APBA1: variants seen among roughly 807,000 people sequenced by gnomAD.
APBA1 encodes the protein amyloid-beta A4 precursor protein-binding family A member 1.
APBA1 carries 55 observed loss-of-function variants against 86.6 expected under a neutral mutation model. The ratio of observed to expected loss-of-function variants is 0.64; its 90% CI spans 0.51 to 0.80. APBA1 has a LOEUF of 0.80. Ranked by LOEUF, APBA1 falls within the 30% of genes least tolerant of loss-of-function variation. The probability of loss-of-function intolerance (pLI) is 0.00; values close to 1 mark genes in which losing one functional copy is unlikely to be tolerated. For synonymous variants in APBA1, 511 were observed against 493.9 expected (o/e 1.03, Z -0.46); for missense variants, 1,090 against 1,183.0 (o/e 0.92, Z 1.15).
At chr9:69,571,322 A>G (rs1383803188) in intron 1 of APBA1, among the ~76,000 whole-genome samples, 1 of 152,196 alleles carries the variant, frequency 6.6e-6, no homozygotes, top group East Asian at 1.9e-4. Flanking sequence ...AAGTCTATCC[A>G]GTATTTTTGA....
chr9:69,483,486 G>A (rs1032864151), intron 2 of APBA1, among the ~76,000 whole-genome samples: 1 of 152,054 alleles, frequency 6.6e-6, no homozygotes, highest in Admixed American at 6.5e-5. Flanking sequence ...GGCTGAGGGG[G>A]CACGCTGATA....
intron 1 of APBA1, among the ~76,000 whole-genome samples, chr9:69,518,110 G>A (rs1308206364): frequency 6.6e-6 from 1 of 151,888 alleles, no homozygotes; most frequent in Non-Finnish European, 1.5e-5. Context: ...AACCAACCAC[G>A]GAAGACAATA....
chr9:69,496,983 C>T (rs947847788), intron 2 of APBA1, among the ~76,000 whole-genome samples: 2 of 151,958 alleles, frequency 1.3e-5, no homozygotes, highest in East Asian at 1.9e-4. Flanking sequence ...GACCAGCACA[C>T]GTAAGACTTA....
At chr9:69,583,458 C>A (rs142722987) in intron 1 of APBA1, among the ~76,000 whole-genome samples, 3 of 152,268 alleles carry the variant, frequency 2.0e-5, no homozygotes, top group Non-Finnish European at 4.4e-5. Context: ...ACAACTGGGA[C>A]TTATCTTAAA....
chr9:69,435,037 C>A (rs1380775481), intron 11 of APBA1, among the ~76,000 whole-genome samples: 4 of 147,530 alleles, frequency 2.7e-5, no homozygotes, highest in African/African-American at 7.5e-5. Context: ...TGAGTGAGAA[C>A]ATGCAGTGTT....
In APBA1 at chr9:69,587,174, A is replaced by G. The variant is rs553553400; in HGVS notation, c.-69-69895T>C. Among the ~76,000 whole-genome samples the G allele has an allele frequency of 3.9e-5, 6 of 152,290 alleles. 1 individual carries two copies. The South Asian group carries it at 1.2e-3, about 32-fold the overall frequency. The stretch of plus-strand genomic sequence containing the variant: ...CCCAGTCTCAACTCACTATGGTTCA[A>G]TTGCCTCCCCATCCTCCAAATTCAG... On this transcript the variant is annotated intron_variant, in intron 1 of 12. Transcript: ENST00000265381.
chr9:69,427,769 ATATT>A lies in APBA1; in HGVS notation c.*3554_*3557del, dbSNP rs948698231. On this transcript the variant is annotated 3_prime_UTR_variant, in exon 13 of 13. Coordinates refer to ENST00000265381, the MANE Select transcript of APBA1 (RefSeq NM_001163.4). The stretch of plus-strand genomic sequence containing the variant: ...TCACGTGTAGATATATTTTATTTAT[ATATT>A]TATTTATATTTATATATAGATCATT... The A allele has an allele frequency of 6.6e-6, 1 of 151,680 alleles. No individual in the cohort carries two copies. The highest frequency in any genetic ancestry group is 1.5e-5 in the Non-Finnish European group (1 of 67,948). The allele number at this position is 151,680 out of a possible 1,614,324, so 9.4% of individuals were successfully genotyped here. A position where few individuals can be genotyped will look rare whatever the true frequency, so the allele number is the denominator to read the frequency against.
intron 12 of APBA1, 146 bp downstream of exon 12, chr9:69,432,390 G>T: frequency 1.3e-6 from 1 of 744,306 alleles, no homozygotes; most frequent in Non-Finnish European, 1.9e-6. Context: ...CATTTGGTCA[G>T]AGACAGGTCT....
chr9:69,511,937 G>C (rs1006559994), intron 2 of APBA1, among the ~76,000 whole-genome samples: 31 of 151,716 alleles, frequency 2.0e-4, no homozygotes, highest in South Asian at 1.0e-3. Context: ...GTGGGGGTAG[G>C]GGGGAGGGAT....
intron 11 of APBA1, among the ~76,000 whole-genome samples, chr9:69,437,132 TG>T (rs1307847149): frequency 1.3e-5 from 2 of 151,876 alleles, no homozygotes; most frequent in East Asian, 1.9e-4. Context: ...GAAGCCCACT[TG>T]ATCATGGTGG....
chr9:69,645,133 C>T lies in APBA1; in HGVS notation c.-70+27020G>A, dbSNP rs141951332. Among the ~76,000 whole-genome samples, 1,020 of 151,980 alleles carry T rather than the reference C, an allele frequency of 6.7e-3. 11 individuals carry two copies. The highest frequency in any genetic ancestry group is 0.017 in the Middle Eastern group (5 of 294). ...AATCCTCAAGATGACAGTTTAAGAT[C>T]GATGTTGGAAGGGAAAGGAGATACT... On this transcript the variant is annotated intron_variant, in intron 1 of 12. Coordinates refer to ENST00000265381, the MANE Select transcript of APBA1 (RefSeq NM_001163.4).
intron 11 of APBA1, among the ~76,000 whole-genome samples, chr9:69,440,437 C>T (rs539995343): frequency 7.9e-5 from 12 of 151,538 alleles, no homozygotes; most frequent in East Asian, 5.8e-4. Flanking sequence ...CCACCCCGTT[C>T]GAGCTTCCCC....
chr9:69,544,959 C>T (rs547685480), intron 1 of APBA1, among the ~76,000 whole-genome samples: 1 of 152,302 alleles, frequency 6.6e-6, no homozygotes, highest in East Asian at 1.9e-4. Flanking sequence ...GGGTTCTGTT[C>T]AGCTTATCAG....
rs1836173689 is a variant in APBA1 at position 69,517,056 on chromosome 9, T to A, written c.155A>T (p.Gln52Leu). ...PQQQHYVGRH[Q>L]RGRALEDLRA... ...GAGGTCCTCGAGGGCTCGCCCGCGC[T>A]GGTGGCGGCCCACATAGTGCTGCTG... The change falls in exon 2 of 13, where the codon CAG (glutamine) becomes CTG (leucine). Residue 52 changes from glutamine to leucine, a missense_variant. Transcript: ENST00000265381. The A allele has an allele frequency of 6.3e-7, 1 of 1,583,684 alleles. No individual in the cohort carries two copies. The highest frequency in any genetic ancestry group is 1.3e-5 in the African/African-American group (1 of 74,450).
intron 1 of APBA1, among the ~76,000 whole-genome samples, chr9:69,593,867 A>G (rs905111708): frequency 3.3e-5 from 5 of 152,238 alleles, no homozygotes; most frequent in African/African-American, 9.6e-5. Context: ...AAATTTGTTC[A>G]GTGAAGCTCT....
At chr9:69,540,368 T>C (rs1836586146) in intron 1 of APBA1, among the ~76,000 whole-genome samples, 2 of 152,154 alleles carry the variant, frequency 1.3e-5, no homozygotes, top group Non-Finnish European at 1.5e-5. Flanking sequence ...TTTTAAATTA[T>C]GGTAAGAACA....
At chr9:69,450,940 C>T (rs564520854) in intron 9 of APBA1, among the ~76,000 whole-genome samples, 2 of 152,204 alleles carry the variant, frequency 1.3e-5, no homozygotes, top group African/African-American at 4.8e-5. Context: ...AGATTCTTCT[C>T]TCACGGCTCT....
intron 1 of APBA1, among the ~76,000 whole-genome samples, chr9:69,660,308 G>C (rs1248792306): frequency 6.6e-6 from 1 of 152,138 alleles, no homozygotes; most frequent in Non-Finnish European, 1.5e-5. Flanking sequence ...TTTATTTATA[G>C]TCAAATGCAT....
chr9:69,524,668 C>G (rs906205253), intron 1 of APBA1, among the ~76,000 whole-genome samples: 14 of 151,710 alleles, frequency 9.2e-5, no homozygotes, highest in African/African-American at 3.4e-4. Context: ...ATGCAAAGAG[C>G]TGGTACCAAT....
Sources: allele counts gnomAD v4.1 joint callset (sites outside exome capture counted in the v4.1 genomes callset), GRCh38; gene constraint gnomAD v4.1.1; transcripts MANE v1.5; gene names NCBI Gene and HGNC (gene_info 2026-07-23, HGNC 2026-07-21).